Variants in NYAP2 observed in about 807,000 individuals in gnomAD.
NYAP2 encodes the protein neuronal tyrosine-phosphorylated phosphoinositide-3-kinase adaptor 2.
In NYAP2, 23 loss-of-function variants were observed where a neutral mutation model predicts 50.4. That is an observed-to-expected ratio of 0.46 (90% CI 0.33 to 0.65). NYAP2 has a LOEUF of 0.65. Ranked by LOEUF, NYAP2 falls within the 30% of genes least tolerant of loss-of-function variation. The pLI, the probability that NYAP2 is intolerant of heterozygous loss-of-function variation, is 0.02. For synonymous variants in NYAP2, 394 were observed against 365.2 expected (o/e 1.08, Z -0.90); for missense variants, 885 against 861.0 (o/e 1.03, Z -0.35).
At chr2:225,424,551 C>T (rs904412875) in intron 3 of NYAP2, among the ~76,000 whole-genome samples, 1 of 151,836 alleles carries the variant, frequency 6.6e-6, no homozygotes, top group Non-Finnish European at 1.5e-5. Flanking sequence ...ATTTCAATAT[C>T]TTCACTATAA....
rs764341557 is a variant in NYAP2 at position 225,582,292 on chromosome 2, G to A, written c.875G>A (p.Cys292Tyr). 1 of 1,614,018 alleles carries A rather than the reference G, an allele frequency of 6.2e-7. No homozygotes were observed. The highest frequency in any genetic ancestry group is 1.1e-5 in the South Asian group (1 of 91,086). ...AAATGTGACTTCGACCATCACAGCTGTTCTTCGCAGTGTGCTACTCCCACG... is the reference window on the plus strand; with the variant it reads ...AAATGTGACTTCGACCATCACAGCTATTCTTCGCAGTGTGCTACTCCCACG... Residue 292 changes from cysteine (C) to tyrosine (Y), a missense_variant, in exon 5 of 7, where the codon TGT becomes TAT. Physicochemically the swap from Cys to Tyr is radical, Grantham distance 194 (BLOSUM62 -2). Transcript: ENST00000636099. The surrounding 1 kb of genome is among the most constrained non-coding windows in gnomAD (Gnocchi z 7.0).
chr2:225,663,932 A>G, the NYAP2 span, among the ~76,000 whole-genome samples: 1 of 151,994 alleles, frequency 6.6e-6, no homozygotes, highest in Non-Finnish European at 1.5e-5. Flanking sequence ...CACCCTCCCT[A>G]GTCCTTGACT....
intron 3 of NYAP2, among the ~76,000 whole-genome samples, chr2:225,420,681 T>C (rs546379568): frequency 2.8e-4 from 42 of 151,554 alleles, no homozygotes; most frequent in Non-Finnish European, 4.3e-4. Flanking sequence ...CGTGATCTCA[T>C]CTCACTGCAA....
chr2:225,678,065 G>T, the NYAP2 span, among the ~76,000 whole-genome samples: 1 of 151,824 alleles, frequency 6.6e-6, no homozygotes, highest in African/African-American at 2.4e-5. Flanking sequence ...TTGGTTGGTT[G>T]TTTTTTTAAT....
At chr2:225,492,559 C>T (rs1690428141) in intron 3 of NYAP2, among the ~76,000 whole-genome samples, 1 of 152,198 alleles carries the variant, frequency 6.6e-6, no homozygotes, top group Non-Finnish European at 1.5e-5. Context: ...TTACTCTGTT[C>T]TTTCATTGAT....
intron 5 of NYAP2, among the ~76,000 whole-genome samples, chr2:225,611,147 A>G (rs1449606747): frequency 6.6e-6 from 1 of 152,168 alleles, no homozygotes; most frequent in Non-Finnish European, 1.5e-5. Flanking sequence ...TGGGATCTAC[A>G]TTACTCTGTT....
chr2:225,647,640 T>G (rs1182227538), intron 6 of NYAP2, among the ~76,000 whole-genome samples: 1 of 152,168 alleles, frequency 6.6e-6, no homozygotes, highest in Non-Finnish European at 1.5e-5. Flanking sequence ...TGCAGTGACC[T>G]TTTCTAGGTT....
the NYAP2 span, among the ~76,000 whole-genome samples, chr2:225,684,583 T>G: frequency 4.0e-5 from 6 of 151,854 alleles, no homozygotes; most frequent in Admixed American, 2.0e-4. Context: ...AGACAGAGTC[T>G]CACTGTCACT....
chr2:225,559,069 C>T (rs185771027), intron 4 of NYAP2, among the ~76,000 whole-genome samples: 12 of 152,146 alleles, frequency 7.9e-5, no homozygotes, highest in Admixed American at 3.9e-4. Context: ...TTTTTTCTCT[C>T]TCTTCCTCTC....
chr2:225,496,962 T>C (rs1441222217), intron 3 of NYAP2, among the ~76,000 whole-genome samples: 1 of 152,184 alleles, frequency 6.6e-6, no homozygotes, highest in Non-Finnish European at 1.5e-5. Context: ...AAACCGTTGC[T>C]AATATGTTGT....
chr2:225,593,236 A>C (rs1692539922), intron 5 of NYAP2, among the ~76,000 whole-genome samples: 1 of 152,188 alleles, frequency 6.6e-6, no homozygotes, highest in Non-Finnish European at 1.5e-5. Context: ...GGTGGTTTCC[A>C]TTAACAAGCT....
At chr2:225,615,410 C>G (rs1182457428) in intron 5 of NYAP2, among the ~76,000 whole-genome samples, 2 of 152,126 alleles carry the variant, frequency 1.3e-5, no homozygotes, top group African/African-American at 4.8e-5. Context: ...GTGGCAATAT[C>G]TCTACAATCC....
chr2:225,596,359 T>A (rs1692597247), intron 5 of NYAP2, among the ~76,000 whole-genome samples: 1 of 152,142 alleles, frequency 6.6e-6, no homozygotes, highest in Non-Finnish European at 1.5e-5. Context: ...AATATTTGCC[T>A]CCCCCACTAA....
At chr2:225,495,420 G>T (rs529958414) in intron 3 of NYAP2, among the ~76,000 whole-genome samples, 1 of 152,252 alleles carries the variant, frequency 6.6e-6, no homozygotes, top group Admixed American at 6.5e-5. Flanking sequence ...TCTATCAGAA[G>T]AATTCATTAT....
intron 3 of NYAP2, among the ~76,000 whole-genome samples, chr2:225,494,826 A>T (rs1690473185): frequency 1.3e-5 from 2 of 152,350 alleles, no homozygotes; most frequent in South Asian, 4.1e-4. Context: ...TACACAATAC[A>T]GCTGCATTTT....
At chr2:225,430,698 G>A (rs925883732) in intron 3 of NYAP2, among the ~76,000 whole-genome samples, 1 of 141,942 alleles carries the variant, frequency 7.0e-6, no homozygotes, top group African/African-American at 2.7e-5. Flanking sequence ...AAGAGGCAGT[G>A]CCCTAACTAG....
chr2:225,411,392 G>C (rs954101935), intron 3 of NYAP2, among the ~76,000 whole-genome samples: 1 of 152,116 alleles, frequency 6.6e-6, no homozygotes, highest in Non-Finnish European at 1.5e-5. Context: ...GACTAAAAGG[G>C]GAGCAGGTTT....
intron 4 of NYAP2, among the ~76,000 whole-genome samples, chr2:225,551,134 TAGAAAATAGA>T (rs1691667054): frequency 6.6e-6 from 1 of 152,226 alleles, no homozygotes; most frequent in Non-Finnish European, 1.5e-5. Context: ...TGGTTTATTT[TAGAAAATAGA>T]AGAAACCTGT....
intron 4 of NYAP2, among the ~76,000 whole-genome samples, chr2:225,573,311 C>T (rs1692108490): frequency 6.7e-6 from 1 of 149,394 alleles, no homozygotes; most frequent in Admixed American, 6.7e-5. Flanking sequence ...GAGTGCAATG[C>T]CGTGATCTAG....
Sources: allele counts gnomAD v4.1 joint callset (sites outside exome capture counted in the v4.1 genomes callset), GRCh38; gene constraint gnomAD v4.1.1; non-coding constraint Gnocchi (gnomAD v3.1); transcripts MANE v1.5; gene names NCBI Gene and HGNC (gene_info 2026-07-23, HGNC 2026-07-21).